Variants in FMNL2 observed in about 807,000 individuals in gnomAD.
The protein encoded by FMNL2 is formin-like protein 2.
A neutral mutation model predicts 130.2 loss-of-function variants in FMNL2; 51 were observed. The observed-to-expected ratio is 0.39, with a 90% CI of 0.31 to 0.49. FMNL2 has a LOEUF of 0.49. Among genes scored for constraint, FMNL2 ranks in the 20% least tolerant of loss-of-function variants. FMNL2 has a pLI of 0.85. For synonymous variants in FMNL2, 465 were observed against 467.1 expected, an observed-to-expected ratio of 1.00 and a Z score of 0.06; for missense variants, 977 against 1,316.2, an observed-to-expected ratio of 0.74 and a Z score of 3.99.
intron 1 of FMNL2, among the ~76,000 whole-genome samples, chr2:152,486,407 A>G (rs1690832057): frequency 6.6e-6 from 1 of 152,202 alleles, no homozygotes; most frequent in Non-Finnish European, 1.5e-5. Flanking sequence ...GGCTATAAGC[A>G]TTTTGACCTG....
At chr2:152,377,536 A>C (rs1407328323) in intron 1 of FMNL2, among the ~76,000 whole-genome samples, 1 of 152,208 alleles carries the variant, frequency 6.6e-6, no homozygotes, top group Non-Finnish European at 1.5e-5. Context: ...TCAGTTTCTC[A>C]GTTGCTCTAG....
At chr2:152,523,320 G>A (rs768709625) in intron 2 of FMNL2, among the ~76,000 whole-genome samples, 4 of 152,068 alleles carry the variant, frequency 2.6e-5, no homozygotes, top group Non-Finnish European at 4.4e-5. Flanking sequence ...AGACAGATTT[G>A]TGGCCTGAGC....
chr2:152,635,688 A>C (rs1275210988), intron 21 of FMNL2, among the ~76,000 whole-genome samples: 1 of 152,196 alleles, frequency 6.6e-6, no homozygotes, highest in African/African-American at 2.4e-5. Context: ...CGTCCTAAAG[A>C]AGCTGCTCAG....
intron 1 of FMNL2, among the ~76,000 whole-genome samples, chr2:152,406,767 T>G (rs1223088319): frequency 1.3e-5 from 2 of 152,234 alleles, no homozygotes; most frequent in Non-Finnish European, 2.9e-5. Flanking sequence ...CCACTTTAAG[T>G]CTAAGACGTT....
At chr2:152,395,449 G>T (rs1685340796) in intron 1 of FMNL2, among the ~76,000 whole-genome samples, 1 of 152,182 alleles carries the variant, frequency 6.6e-6, no homozygotes, top group African/African-American at 2.4e-5. Context: ...GCCCCAGATG[G>T]CCTGTTAGCT....
intron 1 of FMNL2, among the ~76,000 whole-genome samples, chr2:152,479,861 C>T (rs1690393909): frequency 2.0e-5 from 3 of 151,904 alleles, no homozygotes; most frequent in South Asian, 4.2e-4. Context: ...CAGGCACGTG[C>T]CACCGCACCT....
chr2:152,351,575 C>T (rs112834793), intron 1 of FMNL2, among the ~76,000 whole-genome samples: 20 of 152,254 alleles, frequency 1.3e-4, no homozygotes, highest in African/African-American at 4.3e-4. Flanking sequence ...TGTATATGTG[C>T]CACATTTTCT....
At chr2:152,449,002 ATGTCTAAT>A (rs1688499967) in intron 1 of FMNL2, among the ~76,000 whole-genome samples, 1 of 152,216 alleles carries the variant, frequency 6.6e-6, no homozygotes, top group African/African-American at 2.4e-5. Flanking sequence ...GAAGCCTCTA[ATGTCTAAT>A]TGTCTGTTGG....
chr2:152,500,512 A>C (rs1691755745), intron 1 of FMNL2, among the ~76,000 whole-genome samples: 1 of 152,118 alleles, frequency 6.6e-6, no homozygotes, highest in South Asian at 2.1e-4. Flanking sequence ...CAGCAAATAG[A>C]TCCCCTACCC....
chr2:152,413,242 C>T (rs940282720), intron 1 of FMNL2, among the ~76,000 whole-genome samples: 1 of 152,102 alleles, frequency 6.6e-6, no homozygotes, highest in Admixed American at 6.6e-5. Flanking sequence ...TGTATTTATT[C>T]ACCAGTCATT....
At chr2:152,519,735 C>T (rs539957158) in intron 1 of FMNL2, among the ~76,000 whole-genome samples, 111 of 152,292 alleles carry the variant, frequency 7.3e-4, no homozygotes, top group African/African-American at 2.6e-3. Flanking sequence ...ATGTCTATCC[C>T]ACATGCTTAT....
intron 9 of FMNL2, among the ~76,000 whole-genome samples, chr2:152,607,006 G>GTTTTTTTTTTTTTTT (rs58237890): frequency 1.2e-5 from 1 of 84,882 alleles, no homozygotes; most frequent in Non-Finnish European, 2.4e-5. Context: ...TTTTTTTTTT[G>GTTTTTTTTTTTTTTT]TTTTTTTTTT....
At chr2:152,389,871 G>A (rs1685003915) in intron 1 of FMNL2, 2 of 1,021,864 alleles carry the variant, frequency 2.0e-6, no homozygotes, top group African/African-American at 1.6e-5. Flanking sequence ...ACAATCAGCT[G>A]GCACAGAAGG....
At chr2:152,426,562 C>T in intron 1 of FMNL2, among the ~76,000 whole-genome samples, 1 of 152,170 alleles carries the variant, frequency 6.6e-6, no homozygotes, top group Non-Finnish European at 1.5e-5. Flanking sequence ...ATGTGAAATG[C>T]TTTCTTTTGA....
chr2:152,547,613 G>A (rs920692760), intron 3 of FMNL2, among the ~76,000 whole-genome samples: 3 of 152,164 alleles, frequency 2.0e-5, no homozygotes, highest in African/African-American at 7.2e-5. Flanking sequence ...GCTGAGCCGT[G>A]CTTCAGGCCT....
intron 1 of FMNL2, among the ~76,000 whole-genome samples, chr2:152,514,692 A>C (rs943301886): frequency 2.0e-5 from 3 of 152,198 alleles, no homozygotes; most frequent in Non-Finnish European, 4.4e-5. Context: ...AGAAATTAGC[A>C]ATAAGTAATC....
At chr2:152,563,648 T>A (rs1246713615) in intron 6 of FMNL2, among the ~76,000 whole-genome samples, 1 of 152,134 alleles carries the variant, frequency 6.6e-6, no homozygotes. Flanking sequence ...CCCCTTTCTT[T>A]CTCTTCTCCA....
At chr2:152,505,642 C>T (rs1231442108) in intron 1 of FMNL2, among the ~76,000 whole-genome samples, 1 of 152,236 alleles carries the variant, frequency 6.6e-6, no homozygotes, top group Non-Finnish European at 1.5e-5. Context: ...TGCTGATTCA[C>T]TGTCTACCCA....
chr2:152,476,690 T>TC (rs1690167781), intron 1 of FMNL2, among the ~76,000 whole-genome samples: 1 of 142,510 alleles, frequency 7.0e-6, no homozygotes, highest in African/African-American at 2.8e-5. Flanking sequence ...AGACCCTGTC[T>TC]TAAAAAAAAA....
Sources: gnomAD v4.1 joint callset for allele counts (sites outside exome capture counted in the v4.1 genomes callset) on GRCh38, gnomAD v4.1.1 for gene constraint, MANE v1.5 for transcripts, NCBI Gene and HGNC (gene_info 2026-07-23, HGNC 2026-07-21) for gene names.